The following MTMR8 variants were observed in gnomAD, a reference collection of about 807,000 sequenced individuals.
The protein encoded by MTMR8 is myotubularin related protein 8.
A neutral mutation model predicts 39.3 loss-of-function variants in MTMR8; 65 were observed. That is an observed-to-expected ratio of 1.65 (90% CI 1.35 to 2.03). MTMR8 has a LOEUF of 2.03. Ranked by LOEUF, MTMR8 falls within the 30% of genes most tolerant of loss-of-function variation. MTMR8 has a pLI of 0.00. For missense variants in MTMR8, 777 were observed against 538.9 expected, an observed-to-expected ratio of 1.44 and a Z score of -4.37; for synonymous variants, 245 against 185.2, an observed-to-expected ratio of 1.32 and a Z score of -2.62.
chrX:64,288,320 A>G (rs1921273031), intron 12 of MTMR8, among the ~76,000 whole-genome samples: 1 of 111,406 alleles, frequency 9.0e-6, no homozygotes, highest in Admixed American at 9.6e-5. Flanking sequence ...ACTATGAGAT[A>G]CCATCTCACA....
At chrX:64,391,603 C>T (rs1924691961) in intron 1 of MTMR8, among the ~76,000 whole-genome samples, 1 of 111,942 alleles carries the variant, frequency 8.9e-6, no homozygotes, top group African/African-American at 3.2e-5. Flanking sequence ...TCCTTGACTC[C>T]CAATGTGATA....
chrX:64,391,768 C>A (rs1924695794), intron 1 of MTMR8, among the ~76,000 whole-genome samples: 1 of 112,062 alleles, frequency 8.9e-6, no homozygotes, highest in Non-Finnish European at 1.9e-5. Context: ...TCAACACCAT[C>A]TTATAGATGA....
chrX:64,382,900 A>G (rs1924466450), intron 1 of MTMR8, among the ~76,000 whole-genome samples: 1 of 111,628 alleles, frequency 9.0e-6, no homozygotes, highest in Admixed American at 9.6e-5. Context: ...AACATAAATG[A>G]TCTCAAGAGT....
intron 12 of MTMR8, among the ~76,000 whole-genome samples, chrX:64,278,460 GTTTTTTTTTTTTTTTT>G (rs56132040): frequency 1.2e-4 from 3 of 24,686 alleles, no homozygotes; most frequent in Non-Finnish European, 2.4e-4. Flanking sequence ...TATTTTGCTG[GTTTTTTTTTTTTTTTT>G]TTTTTTTTTT....
intron 1 of MTMR8, among the ~76,000 whole-genome samples, chrX:64,362,471 G>GAAAAAAAAAAAAAAAAAA (rs760545171): frequency 7.3e-4 from 4 of 5,499 alleles, no homozygotes; most frequent in Admixed American, 2.3e-3. Flanking sequence ...TACTATTGCA[G>GAAAAAAAAAAAAAAAAAA]AAAAAAAAAA....
At position 64,268,806 on chromosome X, in the gene MTMR8, C is replaced by T. The variant is rs748651148; in HGVS notation, c.1846G>A (p.Val616Met). 3.3e-6 allele frequency: 4 copies of T among 1,211,734 alleles called. No individual in the cohort carries two copies. Among genetic ancestry groups the T allele is most frequent in the Non-Finnish European group, 4.5e-6 (4 of 895,537 alleles). ...ATATTTATGGCCCTAAGGCTGCCCACAATCTCACAACAGTTATGGTGGAGG... is the reference window on the plus strand; with the variant it reads ...ATATTTATGGCCCTAAGGCTGCCCATAATCTCACAACAGTTATGGTGGAGG... Reference protein sequence around the residue: ...ADLHHNCCEIVGSLRAINISG... With the variant: ...ADLHHNCCEIMGSLRAINISG... Residue 616 changes from valine to methionine, a missense_variant, in exon 14 of 14, where the codon GTG becomes ATG. By Grantham distance (21) the Val-to-Met change is conservative. Transcript: ENST00000374852.
At chrX:64,269,830 GC>G in intron 13 of MTMR8, among the ~76,000 whole-genome samples, 1 of 111,557 alleles carries the variant, frequency 9.0e-6, no homozygotes, top group African/African-American at 3.3e-5. Context: ...ATTATCAGCA[GC>G]TTTGTTTTTC....
chrX:64,301,818 C>A (rs1921888583), intron 12 of MTMR8, among the ~76,000 whole-genome samples: 1 of 111,735 alleles, frequency 8.9e-6, no homozygotes, highest in Admixed American at 9.5e-5. Flanking sequence ...TGTTGGAATA[C>A]CCTGCCGTGT....
intron 12 of MTMR8, among the ~76,000 whole-genome samples, chrX:64,294,919 C>T (rs1040430108): frequency 9.0e-5 from 10 of 111,274 alleles, no homozygotes; most frequent in Non-Finnish European, 1.5e-4. Context: ...GGGCAACTGC[C>T]CCCACATAAG....
At position 64,301,526 on chromosome X, in the gene MTMR8, C is replaced by T. The variant is rs755525835; in HGVS notation, c.1481+27246G>A. ...ACTTCTTTGCCTTTGGTTTGAATGT[C>T]CTCCCGTAGCTCAGAGTAATTTGAT... On this transcript the variant is annotated intron_variant, in intron 12 of 13. Transcript: ENST00000374852. Among the ~76,000 whole-genome samples, 27 of 110,539 alleles carry T rather than the reference C, an allele frequency of 2.4e-4. No homozygotes were observed. In the East Asian group the frequency reaches 6.6e-3, roughly 27 times the overall value.
At chrX:64,301,819 C>A (rs1034470316) in intron 12 of MTMR8, among the ~76,000 whole-genome samples, 1 of 111,394 alleles carries the variant, frequency 9.0e-6, no homozygotes, top group African/African-American at 3.3e-5. Context: ...GTTGGAATAC[C>A]CTGCCGTGTG....
chrX:64,273,185 T>C (rs1931798440), intron 12 of MTMR8, among the ~76,000 whole-genome samples: 1 of 111,767 alleles, frequency 8.9e-6, no homozygotes, highest in Non-Finnish European at 1.9e-5. Context: ...GTAATGGTTG[T>C]GGGTAAATCA....
At chrX:64,377,939 C>T (rs978405851) in intron 1 of MTMR8, among the ~76,000 whole-genome samples, 2 of 111,594 alleles carry the variant, frequency 1.8e-5, no homozygotes, top group South Asian at 3.8e-4. Context: ...TGAATTATCA[C>T]GAGATCTCAT....
chrX:64,279,786 A>T (rs1320514844), intron 12 of MTMR8, among the ~76,000 whole-genome samples: 2 of 112,081 alleles, frequency 1.8e-5, no homozygotes, highest in Admixed American at 1.9e-4. Context: ...GAATACACAC[A>T]TATGGACCAA....
chrX:64,289,450 C>T (rs960417967), intron 12 of MTMR8, among the ~76,000 whole-genome samples: 1 of 109,162 alleles, frequency 9.2e-6, no homozygotes, highest in African/African-American at 3.4e-5. Context: ...GGAGCCTGAA[C>T]AACATAGCAA....
intron 12 of MTMR8, among the ~76,000 whole-genome samples, chrX:64,307,683 C>T (rs1330122721): frequency 9.0e-6 from 1 of 111,679 alleles, no homozygotes; most frequent in Admixed American, 9.5e-5. Context: ...TCTACCTCCG[C>T]TGACTTTACA....
intron 12 of MTMR8, among the ~76,000 whole-genome samples, chrX:64,318,603 T>A (rs1018724773): frequency 2.7e-5 from 3 of 111,550 alleles, no homozygotes; most frequent in African/African-American, 9.8e-5. Flanking sequence ...AATATTTGTT[T>A]CATAATGTCC....
intron 1 of MTMR8, among the ~76,000 whole-genome samples, chrX:64,376,932 C>T (rs1212991889): frequency 2.7e-5 from 3 of 111,695 alleles, no homozygotes; most frequent in Non-Finnish European, 5.7e-5. Flanking sequence ...CGGGACACTG[C>T]TGTGTCCCAG....
At chrX:64,277,804 G>A (rs1022981868) in intron 12 of MTMR8, among the ~76,000 whole-genome samples, 3 of 111,134 alleles carry the variant, frequency 2.7e-5, no homozygotes, top group African/African-American at 6.5e-5. Flanking sequence ...AGTTCTCCTG[G>A]ATAATATCCT....
Sources: allele counts gnomAD v4.1 joint callset (sites outside exome capture counted in the v4.1 genomes callset), GRCh38; gene constraint gnomAD v4.1.1; transcripts MANE v1.5; gene names NCBI Gene and HGNC (gene_info 2026-07-23, HGNC 2026-07-21).